The following NRXN3 variants were observed in gnomAD, a reference collection of about 807,000 sequenced individuals.
NRXN3 encodes neurexin III.
A neutral mutation model predicts 137.6 loss-of-function variants in NRXN3; 32 were observed. That is an observed-to-expected ratio of 0.23 (90% CI 0.18 to 0.31). The LOEUF is 0.31. Ranked by LOEUF, NRXN3 falls within the 10% of genes least tolerant of loss-of-function variation. The pLI, the probability that NRXN3 is intolerant of heterozygous loss-of-function variation, is 1.00. For synonymous variants in NRXN3, 798 were observed against 784.5 expected, an observed-to-expected ratio of 1.02 and a Z score of -0.29; for missense variants, 1,574 against 2,062.5, an observed-to-expected ratio of 0.76 and a Z score of 4.59.
In NRXN3 at chr14:78,170,614, A is replaced by G. The variant is rs2058633132; in HGVS notation, c.-764A>G. 1 of 152,262 alleles carries G rather than the reference A, an allele frequency of 6.6e-6. No homozygotes were observed. The highest frequency in any genetic ancestry group is 6.5e-5 in the Admixed American group (1 of 15,286). 9.4% of individuals were successfully genotyped at this position (152,262 alleles called of 1,614,324 possible). ...AAGAGGAAACATACCCAGCAAACTC[A>G]GTTGATTAAACATCAAACAGACATA... is the stretch of plus-strand genomic sequence containing the variant. On this transcript the variant is annotated 5_prime_UTR_variant, in exon 1 of 21. Coordinates refer to ENST00000335750, the MANE Select transcript of NRXN3 (RefSeq NM_001330195.2).
rs780694012 is a variant in NRXN3, at chr14:78,243,636, T to C, written c.543T>C (p.Tyr181=). Residue 181 remains tyrosine, a synonymous_variant, in exon 2 of 21, where the codon TAT becomes TAC. Coordinates refer to ENST00000335750, the MANE Select transcript of NRXN3 (RefSeq NM_001330195.2). The surrounding 1 kb of genome is among the most constrained non-coding windows in gnomAD (Gnocchi z 4.2). ...AGGGGTTAATTCTGGATCTCAAGTA[T>C]GGAAACTCGGAGCCTCGGCTTCTGG... ...GFKGLILDLK[Y]GNSEPRLLGS... is the part of the protein sequence containing the mutation. The C allele has an allele frequency of 9.4e-6, 15 of 1,598,276 alleles. No homozygotes were observed. The highest frequency in any genetic ancestry group is 1.3e-5 in the Non-Finnish European group (15 of 1,179,814).
intron 20 of NRXN3, among the ~76,000 whole-genome samples, chr14:79,844,269 A>G (rs1395734822): frequency 6.6e-6 from 1 of 151,398 alleles, no homozygotes. Flanking sequence ...GAGGTTTTGC[A>G]TTAAACTTCC....
At chr14:78,640,302 A>G (rs1007869076) in intron 4 of NRXN3, among the ~76,000 whole-genome samples, 2 of 152,198 alleles carry the variant, frequency 1.3e-5, no homozygotes, top group African/African-American at 4.8e-5. Flanking sequence ...AGATTATGCA[A>G]TCTCTTAAAA....
At chr14:78,799,900 A>G (rs1226552730) in intron 8 of NRXN3, among the ~76,000 whole-genome samples, 1 of 152,118 alleles carries the variant, frequency 6.6e-6, no homozygotes, top group Non-Finnish European at 1.5e-5. Context: ...TATTTCCCAC[A>G]GGGTCCCTCC....
At chr14:78,896,911 T>C (rs768563919) in intron 10 of NRXN3, among the ~76,000 whole-genome samples, 15 of 151,872 alleles carry the variant, frequency 9.9e-5, no homozygotes, top group Non-Finnish European at 1.9e-4. Context: ...GGGATTCAAT[T>C]TGGTAAGCAG....
chr14:79,832,946 T>C (rs753606264), intron 20 of NRXN3, among the ~76,000 whole-genome samples: 7 of 152,152 alleles, frequency 4.6e-5, no homozygotes, highest in Non-Finnish European at 8.8e-5. Context: ...TGTAATTTTA[T>C]GGTTTTAAAT....
rs1233794617 is a variant in NRXN3, at chr14:78,675,334, A to C, written c.1221+24008A>C. 2.6e-5 allele frequency among the ~76,000 whole-genome samples: 4 copies of C among 152,232 alleles called. No individual in the cohort carries two copies. In the South Asian group the frequency reaches 8.3e-4, roughly 32 times the overall value. On this transcript the variant is annotated intron_variant, in intron 6 of 20. Coordinates refer to ENST00000335750, the MANE Select transcript of NRXN3 (RefSeq NM_001330195.2). ...ATTAATAAAGAAATGAGTGGAATCT[A>C]AAAGTCTCTAAACATAAAGAAATAC...
intron 10 of NRXN3, among the ~76,000 whole-genome samples, chr14:78,845,518 G>A (rs2099024041): frequency 6.6e-6 from 1 of 151,702 alleles, no homozygotes; most frequent in African/African-American, 2.4e-5. Context: ...CTACTTATAT[G>A]ATTTCCTCCC....
intron 16 of NRXN3, among the ~76,000 whole-genome samples, chr14:79,662,979 A>G (rs1376808560): frequency 2.0e-5 from 3 of 152,134 alleles, no homozygotes; most frequent in African/African-American, 4.8e-5. Flanking sequence ...CTTCACTGCC[A>G]TAGTGTTACT....
chr14:78,871,047 A>G (rs1193189495), intron 10 of NRXN3, among the ~76,000 whole-genome samples: 3 of 148,918 alleles, frequency 2.0e-5, no homozygotes, highest in African/African-American at 5.0e-5. Context: ...TCTCTTTGAT[A>G]TACTGATTTC....
At chr14:79,159,037 T>G (rs1321395748) in intron 15 of NRXN3, among the ~76,000 whole-genome samples, 4 of 151,788 alleles carry the variant, frequency 2.6e-5, no homozygotes, top group Non-Finnish European at 5.9e-5. Context: ...GGTTTTGTGT[T>G]TTTGTTTGTG....
At chr14:78,466,370 T>C (rs926056865) in intron 4 of NRXN3, among the ~76,000 whole-genome samples, 2 of 152,148 alleles carry the variant, frequency 1.3e-5, no homozygotes, top group African/African-American at 2.4e-5. Context: ...GGAGTTTTGA[T>C]AGGGGTCTGG....
chr14:79,575,945 A>C, intron 16 of NRXN3, among the ~76,000 whole-genome samples: 1 of 152,140 alleles, frequency 6.6e-6, no homozygotes, highest in Non-Finnish European at 1.5e-5. Context: ...CTATTTTTTT[A>C]AGTTACTTTG....
intron 5 of NRXN3, among the ~76,000 whole-genome samples, 183 bp downstream of exon 5, chr14:78,645,604 A>G (rs2097678844): frequency 6.6e-6 from 1 of 151,734 alleles, no homozygotes; most frequent in Admixed American, 6.6e-5. Context: ...ATGTTTCTCC[A>G]CATACTTCAA....
intron 15 of NRXN3, among the ~76,000 whole-genome samples, chr14:79,252,235 A>G (rs2076036459): frequency 6.6e-6 from 1 of 152,206 alleles, no homozygotes; most frequent in Non-Finnish European, 1.5e-5. Context: ...CATAACACTA[A>G]TGCATAATAA....
intron 15 of NRXN3, among the ~76,000 whole-genome samples, chr14:79,454,035 AT>A (rs2096219705): frequency 6.6e-6 from 1 of 152,038 alleles, no homozygotes; most frequent in East Asian, 1.9e-4. Flanking sequence ...CAATGTAGTC[AT>A]TCTCCAACTT....
At chr14:79,228,837 G>T (rs111744246) in intron 15 of NRXN3, among the ~76,000 whole-genome samples, 1 of 152,094 alleles carries the variant, frequency 6.6e-6, no homozygotes, top group Non-Finnish European at 1.5e-5. Context: ...TTTCTTTCTG[G>T]ATTACACATT....
At chr14:79,843,801 G>A (rs941172570) in intron 20 of NRXN3, among the ~76,000 whole-genome samples, 8 of 151,910 alleles carry the variant, frequency 5.3e-5, no homozygotes, top group Non-Finnish European at 8.8e-5. Flanking sequence ...GTGGTTTTTG[G>A]TTGCATGGAT....
chr14:78,471,924 G>T (rs1452256859), intron 4 of NRXN3, among the ~76,000 whole-genome samples: 1 of 152,160 alleles, frequency 6.6e-6, no homozygotes, highest in East Asian at 1.9e-4. Context: ...CAACCTAAAA[G>T]AAAAGTCAAA....
Sources: allele counts gnomAD v4.1 joint callset (sites outside exome capture counted in the v4.1 genomes callset), GRCh38; gene constraint gnomAD v4.1.1; non-coding constraint Gnocchi (gnomAD v3.1); transcripts MANE v1.5; gene names NCBI Gene and HGNC (gene_info 2026-07-23, HGNC 2026-07-21).